Variants in IQCM observed in about 807,000 individuals in gnomAD.
The protein encoded by IQCM is IQ domain-containing protein M.
In IQCM, 45 loss-of-function variants were observed where a neutral mutation model predicts 57.6. That is an observed-to-expected ratio of 0.78 (90% CI 0.62 to 1.00). The LOEUF (loss-of-function observed/expected upper bound fraction) is 1.00. Among genes scored for constraint, IQCM ranks in the 50% least tolerant of loss-of-function variants. The pLI is 0.00. For synonymous variants in IQCM, 148 were observed against 158.9 expected, an observed-to-expected ratio of 0.93 and a Z score of 0.51; for missense variants, 468 against 511.6, an observed-to-expected ratio of 0.91 and a Z score of 0.82.
intron 8 of IQCM, among the ~76,000 whole-genome samples, chr4:149,611,255 C>T (rs759830941): frequency 6.6e-6 from 1 of 151,756 alleles, no homozygotes; most frequent in African/African-American, 2.4e-5. Context: ...TTACTATAGC[C>T]ACTATGAAGA....
chr4:149,387,589 GC>G, intron 13 of IQCM, among the ~76,000 whole-genome samples: 1 of 151,934 alleles, frequency 6.6e-6, no homozygotes, highest in Admixed American at 6.6e-5. Context: ...CTTTTGGTTT[GC>G]CCTAAAATAT....
chr4:149,519,277 C>T (rs4835166), intron 12 of IQCM, among the ~76,000 whole-genome samples: 115,043 of 152,076 alleles, frequency 0.76, 43,976 homozygotes, highest in South Asian at 0.9. Flanking sequence ...AATTTTTTTG[C>T]TTCCAAAAAG....
At position 149,787,127 on chromosome 4, in the gene IQCM, T is replaced by C. The variant is rs373467695; in HGVS notation, c.-49+28184A>G. Among the ~76,000 whole-genome samples the C allele has an allele frequency of 1.2e-4, 18 of 152,026 alleles. No homozygotes were observed. In the East Asian group the frequency reaches 1.9e-3, roughly 16 times the overall value. On this transcript the variant is annotated intron_variant, in intron 2 of 13. Transcript: ENST00000636793. ...CTCACTCAAAAGTGGGAGTTGAACA[T>C]TGAGAACATATGGACACAGAGAGAG...
chr4:149,706,275 G>A (rs1764154375), intron 5 of IQCM, among the ~76,000 whole-genome samples: 1 of 151,838 alleles, frequency 6.6e-6, no homozygotes, highest in Admixed American at 6.6e-5. Context: ...AAGTCTATGT[G>A]ACAAAAATCA....
chr4:149,628,188 C>A (rs2726777), intron 7 of IQCM, among the ~76,000 whole-genome samples: 1 of 151,870 alleles, frequency 6.6e-6, no homozygotes, highest in Non-Finnish European at 1.5e-5. Context: ...TTCAGTAAAA[C>A]TGTTTAAATC....
Position 149,733,464 on chromosome 4 carries a change from G to T in IQCM, c.165C>A (p.His55Gln). The T allele has an allele frequency of 8.1e-7, 1 of 1,231,054 alleles. No individual in the cohort carries two copies. The highest frequency in any genetic ancestry group is 1.0e-6 in the Non-Finnish European group (1 of 987,130). The allele number at this position is 1,231,054 out of a possible 1,614,324, so 76.3% of individuals were successfully genotyped here. The part of the protein sequence containing the change: ...GTSINVFRKK[H>Q]QKPKSGKYIP... ...TGTATTTGCCAGATTTCGGTTTTTG[G>T]TGTTTCTTTCTAAAAACATTTATAG... The change falls in exon 5 of 14, where the codon CAC becomes CAA. Residue 55 changes from histidine to glutamine, a missense_variant. By Grantham distance (24) the His-to-Gln change is conservative (BLOSUM62 0). Transcript: ENST00000636793.
intron 7 of IQCM, among the ~76,000 whole-genome samples, chr4:149,645,427 T>C (rs1401944843): frequency 1.3e-5 from 2 of 152,186 alleles, no homozygotes; most frequent in Admixed American, 1.3e-4. Flanking sequence ...TGAAATTTCA[T>C]GCAGAAAATT....
At chr4:149,465,076 CA>C (rs1225324137) in intron 12 of IQCM, among the ~76,000 whole-genome samples, 19 of 151,982 alleles carry the variant, frequency 1.3e-4, no homozygotes, top group Non-Finnish European at 2.2e-4. Flanking sequence ...CACAAGTGCC[CA>C]AACTATTAAC....
At chr4:149,387,351 T>A (rs1731497093) in intron 13 of IQCM, among the ~76,000 whole-genome samples, 1 of 151,998 alleles carries the variant, frequency 6.6e-6, no homozygotes, top group Non-Finnish European at 1.5e-5. Flanking sequence ...AACATATGAA[T>A]TTTTAGGTGA....
chr4:149,809,271 A>T (rs1774347262), intron 2 of IQCM, among the ~76,000 whole-genome samples: 1 of 152,026 alleles, frequency 6.6e-6, no homozygotes, highest in Admixed American at 6.6e-5. Context: ...AAAAGAAAAA[A>T]AAAACAGTTG....
intron 7 of IQCM, among the ~76,000 whole-genome samples, chr4:149,623,394 T>C (rs1756515854): frequency 6.6e-6 from 1 of 152,194 alleles, no homozygotes; most frequent in Admixed American, 6.5e-5. Flanking sequence ...GAAAACACCA[T>C]GCATTATTTT....
intron 13 of IQCM, among the ~76,000 whole-genome samples, chr4:149,413,615 G>A (rs754020121): frequency 5.3e-5 from 8 of 152,168 alleles, no homozygotes; most frequent in Non-Finnish European, 1.2e-4. Context: ...AAAACAAAGA[G>A]CAGTGTCTAA....
chr4:149,778,149 G>T (rs1448566837), intron 2 of IQCM, among the ~76,000 whole-genome samples: 1 of 152,218 alleles, frequency 6.6e-6, no homozygotes, highest in Non-Finnish European at 1.5e-5. Context: ...GGCCAAGGCG[G>T]GTGGATCACG....
At chr4:149,802,487 A>T (rs1773690756) in intron 2 of IQCM, among the ~76,000 whole-genome samples, 1 of 151,990 alleles carries the variant, frequency 6.6e-6, no homozygotes, top group South Asian at 2.1e-4. Flanking sequence ...TGTTTCTGTT[A>T]ACTGATGAGA....
chr4:149,690,906 T>G (rs1580008752), intron 5 of IQCM: 1 of 152,156 alleles, frequency 6.6e-6, no homozygotes, highest in East Asian at 1.9e-4. Context: ...ACTCCATTAT[T>G]TTTTACTGTG....
At chr4:149,388,764 C>CAT (rs922363667) in intron 13 of IQCM, among the ~76,000 whole-genome samples, 40 of 142,862 alleles carry the variant, frequency 2.8e-4, no homozygotes, top group South Asian at 8.7e-4. Context: ...ATATATATGA[C>CAT]ATATATATAT....
chr4:149,637,231 T>C (rs193031706), intron 7 of IQCM, among the ~76,000 whole-genome samples: 158 of 151,764 alleles, frequency 1.0e-3, no homozygotes, highest in African/African-American at 3.7e-3. Context: ...AAATTAATTG[T>C]AATCTACATA....
chr4:149,376,809 T>C (rs1730730366), intron 13 of IQCM, among the ~76,000 whole-genome samples: 1 of 152,188 alleles, frequency 6.6e-6, no homozygotes, highest in Middle Eastern at 3.2e-3. Context: ...GTACATAAGA[T>C]AATGAGCACA....
At chr4:149,765,849 A>G (rs1769994509) in intron 2 of IQCM, among the ~76,000 whole-genome samples, 1 of 151,998 alleles carries the variant, frequency 6.6e-6, no homozygotes, top group Non-Finnish European at 1.5e-5. Context: ...ACCCAGATCC[A>G]TGACTCATAC....
Sources: allele counts gnomAD v4.1 joint callset (sites outside exome capture counted in the v4.1 genomes callset), GRCh38; gene constraint gnomAD v4.1.1; transcripts MANE v1.5; gene names NCBI Gene and HGNC (gene_info 2026-07-23, HGNC 2026-07-21).